Variants in ACCSL observed in about 807,000 individuals in gnomAD.
ACCSL encodes 1-aminocyclopropane-1-carboxylate synthase homolog (inactive) like, also known as probable inactive 1-aminocyclopropane-1-carboxylate synthase-like protein 2.
ACCSL carries 55 observed loss-of-function variants against 61.7 expected under a neutral mutation model. The observed-to-expected ratio is 0.89, with a 90% CI of 0.72 to 1.12. ACCSL has a LOEUF of 1.12. Among genes scored for constraint, ACCSL ranks in the 50% most tolerant of loss-of-function variants. ACCSL has a pLI of 0.00. For missense variants in ACCSL, 632 were observed against 698.0 expected (o/e 0.91, Z 1.07); for synonymous variants, 258 against 264.3 (o/e 0.98, Z 0.23).
the ACCSL span, among the ~76,000 whole-genome samples, chr11:43,951,831 T>G: frequency 6.6e-6 from 1 of 152,118 alleles, no homozygotes; most frequent in Non-Finnish European, 1.5e-5. Flanking sequence ...TGAAGCCCTG[T>G]CTCTACTAAA....
At chr11:43,924,961 G>A in the ACCSL span, 1 of 161,354 alleles carries the variant, frequency 6.2e-6, no homozygotes, top group African/African-American at 2.4e-5. Flanking sequence ...TTCCTGGAAT[G>A]TTTCCTCTGA....
chr11:43,937,527 A>T, the ACCSL span, among the ~76,000 whole-genome samples: 1 of 152,116 alleles, frequency 6.6e-6, no homozygotes, highest in South Asian at 2.1e-4. Context: ...TCCTAGAAAC[A>T]TCCTTCTCTT....
the ACCSL span, among the ~76,000 whole-genome samples, chr11:43,962,839 T>A: frequency 6.6e-6 from 1 of 152,220 alleles, no homozygotes; most frequent in African/African-American, 2.4e-5. Context: ...AGCCTGTAAC[T>A]GCTTAGCGTC....
chr11:43,966,109 T>C, the ACCSL span, among the ~76,000 whole-genome samples: 4 of 152,150 alleles, frequency 2.6e-5, no homozygotes, highest in African/African-American at 7.2e-5. Flanking sequence ...AATAGATAAA[T>C]AGATAAATTG....
At chr11:43,953,464 T>G in the ACCSL span, among the ~76,000 whole-genome samples, 2 of 142,136 alleles carry the variant, frequency 1.4e-5, no homozygotes, top group Non-Finnish European at 3.0e-5. Context: ...GAGGTTGCAG[T>G]GAGCCAAGAT....
intron 2 of ACCSL, 33 bp from the exon 3 acceptor site, chr11:44,050,519 G>C (rs1228197291): frequency 6.2e-7 from 1 of 1,607,430 alleles, no homozygotes; most frequent in Admixed American, 1.7e-5. Flanking sequence ...AACTTCCCTG[G>C]CCTACCTGTC....
At chr11:43,961,035 A>G in the ACCSL span, among the ~76,000 whole-genome samples, 1 of 151,786 alleles carries the variant, frequency 6.6e-6, no homozygotes, top group African/African-American at 2.4e-5. Flanking sequence ...TGGGCAGGCC[A>G]GTCTCGAACT....
chr11:44,050,489 G>A, intron 2 of ACCSL, 63 bp from the exon 3 acceptor site: 1 of 1,430,538 alleles, frequency 7.0e-7, no homozygotes. Context: ...TACAAACTAG[G>A]AGTAGAATGA....
the ACCSL span, chr11:43,925,342 A>T: frequency 2.2e-6 from 1 of 456,040 alleles, no homozygotes; most frequent in African/African-American, 2.0e-5. Context: ...AAGAGGGAAC[A>T]TGGGAAACAA....
upstream of ACCSL, among the ~76,000 whole-genome samples, chr11:44,047,264 A>C (rs1333413196): frequency 6.6e-6 from 1 of 152,196 alleles, no homozygotes; most frequent in Non-Finnish European, 1.5e-5. Flanking sequence ...GAGTAGGTGG[A>C]AGGCATTTGC....
chr11:43,967,167 C>CTTTTTT, the ACCSL span, among the ~76,000 whole-genome samples: 953 of 62,700 alleles, frequency 0.015, 165 homozygotes, highest in Middle Eastern at 0.024. Context: ...TCTTCTTCTT[C>CTTTTTT]TTTTTTTTTT....
At chr11:43,943,287 C>T in the ACCSL span, 3 of 1,472,070 alleles carry the variant, frequency 2.0e-6, no homozygotes, top group Admixed American at 2.8e-5. The surrounding 1 kb of genome is among the most constrained non-coding windows in gnomAD (Gnocchi z 4.8). Flanking sequence ...GCGCCGCCCG[C>T]GGGGGGGACG....
chr11:44,026,383 A>C, the ACCSL span, among the ~76,000 whole-genome samples: 1 of 151,944 alleles, frequency 6.6e-6, no homozygotes, highest in African/African-American at 2.4e-5. Flanking sequence ...CCTTAAAAAA[A>C]AGGTCTACCT....
the ACCSL span, among the ~76,000 whole-genome samples, chr11:44,032,695 G>A: frequency 2.0e-5 from 3 of 152,144 alleles, no homozygotes; most frequent in South Asian, 2.1e-4. Context: ...GAATTCCTAC[G>A]AAGAAGGGAA....
At position 44,056,191 on chromosome 11, in the gene ACCSL, G is replaced by A. The variant is rs772563377; in HGVS notation, c.1192G>A (p.Gly398Ser). The A allele has an allele frequency of 2.5e-6, 4 of 1,614,048 alleles. No individual in the cohort carries two copies. The highest frequency in any genetic ancestry group is 3.3e-5 in the Admixed American group (2 of 60,002). The change falls in exon 11 of 14, where the codon GGC becomes AGC. Residue 398 changes from glycine (G) to serine (S), a missense_variant. Physicochemically the swap from Gly to Ser is moderately conservative, Grantham distance 56 (BLOSUM62 0). Transcript: ENST00000378832. ...CCTGCTTTTCTTCCTCTAGGATTTT[G>A]GCATCTCTGGCTTCCGCTTTGGTGC... Reference protein sequence around the residue: ...HVIWGTSKDFGISGFRFGALY... With the variant: ...HVIWGTSKDFSISGFRFGALY...
the ACCSL span, among the ~76,000 whole-genome samples, chr11:43,951,522 C>G: frequency 3.9e-4 from 60 of 152,222 alleles, no homozygotes; most frequent in African/African-American, 1.4e-3. Flanking sequence ...TGGAACTGTC[C>G]GGAAGCACAA....
the ACCSL span, among the ~76,000 whole-genome samples, chr11:43,928,258 T>G: frequency 6.6e-6 from 1 of 151,910 alleles, no homozygotes; most frequent in African/African-American, 2.4e-5. Context: ...GGAGTCCAAG[T>G]TTGAGGCTGC....
In ACCSL at chr11:44,051,378, G is replaced by A; in HGVS notation, c.679G>A (p.Ala227Thr). Residue 227 changes from alanine (A) to threonine (T), a missense_variant, in exon 4 of 14, where the codon GCA (alanine) becomes ACA (threonine). Coordinates refer to ENST00000378832, the MANE Select transcript of ACCSL (RefSeq NM_001031854.2). ...CCGGTTCCTGACCTACTACTGCAGG[G>A]CACCTACCCGACTTGACCCAGAAAA... ...VARFLTYYCR[A>T]PTRLDPENVV... The A allele has an allele frequency of 6.2e-7, 1 of 1,614,142 alleles. No homozygotes were observed. Among genetic ancestry groups the A allele is most frequent in the Admixed American group, 1.7e-5 (1 of 60,024 alleles).
At chr11:43,924,767 A>C in the ACCSL span, among the ~76,000 whole-genome samples, 1 of 152,194 alleles carries the variant, frequency 6.6e-6, no homozygotes, top group Non-Finnish European at 1.5e-5. Context: ...CCGCACTTGG[A>C]GGATGGCCAC....
Sources: allele counts gnomAD v4.1 joint callset (sites outside exome capture counted in the v4.1 genomes callset), GRCh38; gene constraint gnomAD v4.1.1; non-coding constraint Gnocchi (gnomAD v3.1); transcripts MANE v1.5; gene names NCBI Gene and HGNC (gene_info 2026-07-23, HGNC 2026-07-21).